Variants in PKM observed in about 807,000 individuals in gnomAD.
PKM encodes the protein pyruvate kinase M1/2, also known as pyruvate kinase PKM.
Under a neutral mutation model 49.8 loss-of-function variants are expected in PKM, and 18 were observed. The observed-to-expected ratio is 0.36, with a 90% confidence interval of 0.25 to 0.54. The LOEUF (loss-of-function observed/expected upper bound fraction) is 0.54. Ranked by LOEUF, PKM falls within the 20% of genes least tolerant of loss-of-function variation. The pLI is 0.89. For synonymous variants in PKM, 239 were observed against 261.8 expected, an observed-to-expected ratio of 0.91 and a Z score of 0.84; for missense variants, 508 against 713.8, an observed-to-expected ratio of 0.71 and a Z score of 3.28.
intron 3 of PKM, among the ~76,000 whole-genome samples, chr15:72,212,912 G>C (rs76809784): frequency 0.026 from 3,973 of 151,930 alleles, 137 homozygotes; most frequent in East Asian, 0.16. Context: ...TCTACTAAAA[G>C]TACAAAAACA....
chr15:72,211,174 T>G (rs1442884507), intron 3 of PKM, among the ~76,000 whole-genome samples: 1 of 151,874 alleles, frequency 6.6e-6, no homozygotes, highest in Non-Finnish European at 1.5e-5. Context: ...CACGCCATTC[T>G]CCTGCCTCTC....
intron 8 of PKM, among the ~76,000 whole-genome samples, chr15:72,205,212 C>T (rs2607093): frequency 6.6e-6 from 1 of 152,062 alleles, no homozygotes. Context: ...CTCCTGGGTT[C>T]AAGCGATCCT....
rs1344128447 is a variant in PKM at position 72,221,972 on chromosome 15, T to G, written c.-13-2862A>C. Among the ~76,000 whole-genome samples, 7 of 148,990 alleles carry G rather than the reference T, an allele frequency of 4.7e-5. No individual in the cohort carries two copies. In the East Asian group the frequency reaches 1.2e-3, roughly 25 times the overall value. On this transcript the variant is annotated intron_variant, in intron 1 of 10. Coordinates refer to ENST00000335181, the MANE Select transcript of PKM (RefSeq NM_002654.6). ...ACAGGATAATCCCATGCCTCAAACC[T>G]GTTAGTTACATGCCCAAATCCAGCA...
chr15:72,206,791 G>A lies in PKM; in HGVS notation c.1077C>T (p.Ile359=). ...ANAVLDGADC[I]MLSGETAKGD... ...CTTTGGCTGTTTCTCCAGACAGCAT[G>A]ATGCAGTCGGCTCCATCCAGGACTG... is the stretch of plus-strand genomic sequence containing the variant. The change falls in exon 8 of 11, where the codon ATC becomes ATT. Residue 359 remains isoleucine, a synonymous_variant. Transcript: ENST00000335181. 1 of 1,614,056 alleles carries A rather than the reference G, an allele frequency of 6.2e-7. No individual in the cohort carries two copies.
At chr15:72,228,615 A>G (rs772394940) in intron 1 of PKM, 2 of 1,281,922 alleles carry the variant, frequency 1.6e-6, no homozygotes, top group South Asian at 2.5e-5. Context: ...AATAATTGAA[A>G]GGTTGAGTCA....
chr15:72,218,283 C>T (rs895039106), intron 2 of PKM, among the ~76,000 whole-genome samples: 2 of 152,018 alleles, frequency 1.3e-5, no homozygotes, highest in Non-Finnish European at 2.9e-5. Context: ...CGCCACCACC[C>T]CCGGCTAATT....
Position 72,208,872 on chromosome 15 carries a change from C to G in PKM, c.585G>C (p.Thr195=). ...CCAAGGAGCCACCATTTTCCACCTC[C>G]GTCACCAGGAAGTCGGCACCTGTAT... ...VKQKGADFLV[T]EVENGGSLGS... The change falls in exon 6 of 11, where the codon ACG becomes ACC. Residue 195 remains threonine, a synonymous_variant. Transcript: ENST00000335181. 6.2e-7 allele frequency: 1 copy of G among 1,614,020 alleles called. No individual in the cohort carries two copies. Among genetic ancestry groups the G allele is most frequent in the Non-Finnish European group, 8.5e-7 (1 of 1,179,962 alleles).
intron 4 of PKM, 59 bp from the exon 5 acceptor site, chr15:72,209,918 C>A: frequency 7.2e-7 from 1 of 1,396,076 alleles, no homozygotes; most frequent in South Asian, 1.2e-5. Flanking sequence ...AGCATCACCT[C>A]AGAAGGAATG....
intron 8 of PKM, chr15:72,206,143 A>G (rs1008807450): frequency 1.3e-5 from 2 of 156,606 alleles, no homozygotes; most frequent in African/African-American, 4.8e-5. Context: ...CTGTACCCCA[A>G]TGGCACAGCA....
chr15:72,209,525 G>C, intron 5 of PKM, 148 bp downstream of exon 5: 2 of 709,018 alleles, frequency 2.8e-6, no homozygotes, highest in Non-Finnish European at 5.1e-6. Context: ...GCCTATCTTT[G>C]AGGATAAATG....
intron 7 of PKM, 22 bp downstream of exon 7, chr15:72,207,105 G>A: frequency 6.2e-7 from 1 of 1,612,822 alleles, no homozygotes; most frequent in East Asian, 2.2e-5. Flanking sequence ...ACATGAGAAT[G>A]TGGGGAAGGG....
intron 8 of PKM, chr15:72,203,557 T>G: frequency 2.9e-6 from 1 of 340,300 alleles, no homozygotes; most frequent in Non-Finnish European, 5.7e-6. Flanking sequence ...TGACATAGCT[T>G]ACAGGAAGGA....
In PKM at chr15:72,219,107, G is replaced by C; in HGVS notation, c.-10C>G. 6.2e-7 allele frequency: 1 copy of C among 1,611,652 alleles called. No individual in the cohort carries two copies. Among genetic ancestry groups the C allele is most frequent in the African/African-American group, 1.3e-5 (1 of 74,994 alleles). ...TATGGGGCTTCGACATGGCTGCTGAGGTCCTGGGTCGAGACAAATTGAAAG... is the reference window on the plus strand; with the variant it reads ...TATGGGGCTTCGACATGGCTGCTGACGTCCTGGGTCGAGACAAATTGAAAG... On this transcript the variant is annotated 5_prime_UTR_variant, in exon 2 of 11. Transcript: ENST00000335181.
intron 3 of PKM, among the ~76,000 whole-genome samples, chr15:72,213,578 G>A (rs1282685429): frequency 7.9e-5 from 12 of 152,292 alleles, no homozygotes; most frequent in Non-Finnish European, 1.8e-4. Flanking sequence ...CTGCAGGCAT[G>A]TGCCACCATG....
chr15:72,218,729 TG>T, intron 2 of PKM, among the ~76,000 whole-genome samples: 1 of 152,176 alleles, frequency 6.6e-6, no homozygotes, highest in South Asian at 2.1e-4. Context: ...TTAGCAATTT[TG>T]AAATGTCTAA....
chr15:72,229,414 C>G lies in PKM; in HGVS notation c.-14+1702G>C, dbSNP rs182015834. 103 of 422,200 alleles carry G rather than the reference C, an allele frequency of 2.4e-4. No individual in the cohort carries two copies. In the East Asian group the frequency reaches 6.2e-3, roughly 25 times the overall value. The allele number at this position is 422,200 out of a possible 1,614,324, so 26.2% of individuals were successfully genotyped here. A position where few individuals can be genotyped will look rare whatever the true frequency, so the allele number is the denominator to read the frequency against. On this transcript the variant is annotated intron_variant, in intron 1 of 10. Coordinates refer to ENST00000335181, the MANE Select transcript of PKM (RefSeq NM_002654.6). Reference sequence around the variant, plus strand: ...TTAATGAGTCAAACCTGATTCTAAACGCCTTTTTGACAACTTCCCAATGTC... The same window carrying G: ...TTAATGAGTCAAACCTGATTCTAAAGGCCTTTTTGACAACTTCCCAATGTC...
chr15:72,225,336 CTTT>C, intron 1 of PKM, among the ~76,000 whole-genome samples: 1 of 151,014 alleles, frequency 6.6e-6, no homozygotes, highest in South Asian at 2.1e-4. Context: ...CCATCTTAAA[CTTT>C]TTTTTCTATT....
rs754812616 is a variant in PKM, at chr15:72,209,798, G to T, written c.440C>A (p.Ala147Asp). ...GATLKITLDN[A>D]YMEKCDENIL... Reference sequence around the variant, plus strand: ...GTTCTCGTCACACTTTTCCATGTAGGCGTTATCCAGCGTGATTTTGAGAGT... The same window carrying T: ...GTTCTCGTCACACTTTTCCATGTAGTCGTTATCCAGCGTGATTTTGAGAGT... The change falls in exon 5 of 11, where the codon GCC becomes GAC. Residue 147 changes from alanine to aspartate, a missense_variant. Ala to Asp is a moderately radical substitution (Grantham distance 126, BLOSUM62 -2). Transcript: ENST00000335181. 1.2e-6 allele frequency: 2 copies of T among 1,613,960 alleles called. No homozygotes were observed. The highest frequency in any genetic ancestry group is 1.7e-6 in the Non-Finnish European group (2 of 1,179,956).
intron 3 of PKM, among the ~76,000 whole-genome samples, chr15:72,211,088 CAG>C (rs1348833592): frequency 6.7e-6 from 1 of 149,094 alleles, no homozygotes; most frequent in Non-Finnish European, 1.5e-5. Flanking sequence ...TTTTTTGAGA[CAG>C]AGTCTTGCTC....
Sources: allele counts gnomAD v4.1 joint callset (sites outside exome capture counted in the v4.1 genomes callset), GRCh38; gene constraint gnomAD v4.1.1; transcripts MANE v1.5; gene names NCBI Gene and HGNC (gene_info 2026-07-23, HGNC 2026-07-21).